SPATA17: variants seen among roughly 807,000 people sequenced by gnomAD.
SPATA17 encodes spermatogenesis-associated protein 17.
SPATA17 carries 53 observed loss-of-function variants against 62.2 expected under a neutral mutation model. The observed-to-expected ratio is 0.85, with a 90% CI of 0.68 to 1.07. SPATA17 has a LOEUF of 1.07. Ranked by LOEUF, SPATA17 falls within the 50% of genes least tolerant of loss-of-function variation. The probability of loss-of-function intolerance (pLI) is 0.00; values close to 1 mark genes in which losing one functional copy is unlikely to be tolerated. For synonymous variants in SPATA17, 146 were observed against 146.8 expected (o/e 0.99, Z 0.04); for missense variants, 466 against 425.5 (o/e 1.10, Z -0.84).
At chr1:217,673,538 A>G (rs868609032) in intron 4 of SPATA17, among the ~76,000 whole-genome samples, 20 of 152,040 alleles carry the variant, frequency 1.3e-4, no homozygotes, top group African/African-American at 4.6e-4. Context: ...TTGGCCCCCA[A>G]CTTTTATTTT....
intron 6 of SPATA17, among the ~76,000 whole-genome samples, chr1:217,742,374 C>T (rs1323498467): frequency 6.6e-6 from 1 of 152,176 alleles, no homozygotes; most frequent in African/African-American, 2.4e-5. Flanking sequence ...GGCATAACCT[C>T]GCTTTCAAAA....
chr1:217,798,028 T>C (rs1466060461), intron 8 of SPATA17, among the ~76,000 whole-genome samples: 1 of 152,212 alleles, frequency 6.6e-6, no homozygotes, highest in Non-Finnish European at 1.5e-5. Flanking sequence ...AGGCTGCTCA[T>C]AGACTAACAT....
intron 7 of SPATA17, among the ~76,000 whole-genome samples, chr1:217,779,266 T>G (rs972734965): frequency 1.3e-5 from 2 of 151,768 alleles, no homozygotes; most frequent in African/African-American, 4.8e-5. Flanking sequence ...TATGTATATA[T>G]GTATACTTAC....
intron 5 of SPATA17, among the ~76,000 whole-genome samples, chr1:217,730,911 TATG>T (rs1465035375): frequency 1.3e-5 from 2 of 152,230 alleles, no homozygotes; most frequent in African/African-American, 4.8e-5. Flanking sequence ...AGTCACATTT[TATG>T]ATATGTTTAC....
intron 8 of SPATA17, among the ~76,000 whole-genome samples, chr1:217,794,720 C>T (rs765713114): frequency 2.6e-5 from 4 of 152,164 alleles, no homozygotes; most frequent in African/African-American, 7.2e-5. Context: ...ACATCTGACT[C>T]GTTTATGTTA....
intron 3 of SPATA17, among the ~76,000 whole-genome samples, chr1:217,655,654 C>T (rs1353380374): frequency 6.6e-6 from 1 of 152,072 alleles, no homozygotes; most frequent in South Asian, 2.1e-4. Context: ...AGAGATTTTC[C>T]TCTCTTCCAT....
rs1669760730 is a variant in SPATA17 at position 217,631,351 on chromosome 1, C to A, written c.-28C>A. 1 of 1,613,640 alleles carries A rather than the reference C, an allele frequency of 6.2e-7. No individual in the cohort carries two copies. Among genetic ancestry groups the A allele is most frequent in the East Asian group, 2.2e-5 (1 of 44,878 alleles). Reference sequence around the variant, plus strand: ...GTTACCATGGAGACCGGTAGTAACACCAGTTGTAAACCCAAGGCCAAGAGA... The same window carrying A: ...GTTACCATGGAGACCGGTAGTAACAACAGTTGTAAACCCAAGGCCAAGAGA... On this transcript the variant is annotated 5_prime_UTR_variant, in exon 1 of 11. Coordinates refer to ENST00000366933, the MANE Select transcript of SPATA17 (RefSeq NM_138796.4).
chr1:217,749,975 C>CTATATA (rs1285806657), intron 6 of SPATA17, among the ~76,000 whole-genome samples: 121 of 39,330 alleles, frequency 3.1e-3, no homozygotes, highest in Non-Finnish European at 4.4e-3. Context: ...CTCTCTCTCT[C>CTATATA]TCTCTCTCTC....
chr1:217,690,888 A>C (rs1351975248), intron 5 of SPATA17, among the ~76,000 whole-genome samples: 1 of 146,810 alleles, frequency 6.8e-6, no homozygotes, highest in African/African-American at 2.6e-5. Flanking sequence ...CCAGTCTATC[A>C]TTGTGGGACA....
At chr1:217,812,069 A>G (rs747712953) in intron 9 of SPATA17, among the ~76,000 whole-genome samples, 20 of 152,190 alleles carry the variant, frequency 1.3e-4, no homozygotes, top group Non-Finnish European at 1.9e-4. Flanking sequence ...GACTTTAGCC[A>G]AGAAGGCTCA....
chr1:217,749,985 C>CTCTGTATATATA, intron 6 of SPATA17, among the ~76,000 whole-genome samples: 3 of 12,316 alleles, frequency 2.4e-4, no homozygotes, highest in African/African-American at 9.1e-4. Context: ...CTCTCTCTCT[C>CTCTGTATATATA]TATATATATA....
chr1:217,795,265 C>A (rs1674103905), intron 8 of SPATA17, among the ~76,000 whole-genome samples: 1 of 150,692 alleles, frequency 6.6e-6, no homozygotes, highest in Admixed American at 6.7e-5. Context: ...TAGCATTTTG[C>A]AAGTGTATTC....
intron 10 of SPATA17, chr1:217,866,688 T>C (rs1558082725): frequency 6.6e-6 from 1 of 152,068 alleles, no homozygotes; most frequent in African/African-American, 2.4e-5. Context: ...ATCATGACTG[T>C]TCATGAAGAT....
chr1:217,766,953 G>A (rs1014616233), intron 6 of SPATA17, among the ~76,000 whole-genome samples: 1 of 151,910 alleles, frequency 6.6e-6, no homozygotes, highest in African/African-American at 2.4e-5. Flanking sequence ...TTGTGTCTAT[G>A]TGTACTTAAT....
chr1:217,786,750 TTTC>T (rs35648538), intron 8 of SPATA17, among the ~76,000 whole-genome samples: 3,333 of 107,402 alleles, frequency 0.031, 53 homozygotes, highest in African/African-American at 0.046. Flanking sequence ...TGATATTCTC[TTTC>T]TTCTTCTTCT....
intron 7 of SPATA17, among the ~76,000 whole-genome samples, chr1:217,775,226 G>C (rs1673557746): frequency 6.6e-6 from 1 of 152,094 alleles, no homozygotes; most frequent in Admixed American, 6.5e-5. Context: ...CCATTTGTGT[G>C]TCTTCTTTGA....
chr1:217,703,024 C>T (rs1280694110), intron 5 of SPATA17, among the ~76,000 whole-genome samples: 1 of 151,734 alleles, frequency 6.6e-6, no homozygotes, highest in Non-Finnish European at 1.5e-5. Flanking sequence ...TTACAAGCGC[C>T]CACACCATAT....
rs376841149 is a variant in SPATA17 at position 217,749,734 on chromosome 1, G to A, written c.519+7636G>A. On this transcript the variant is annotated intron_variant, in intron 6 of 10. Transcript: ENST00000366933. ...CCATCAGATAAATCTTTCTAAAAGA[G>A]CATTTTTATTTCATTTATCTTTGCA... is the stretch of plus-strand genomic sequence containing the variant. 6.6e-5 allele frequency among the ~76,000 whole-genome samples: 10 copies of A among 151,602 alleles called. No individual in the cohort carries two copies. The East Asian group carries it at 1.2e-3, about 18-fold the overall frequency.
intron 7 of SPATA17, among the ~76,000 whole-genome samples, chr1:217,780,852 T>C (rs1426673920): frequency 1.3e-5 from 2 of 152,100 alleles, no homozygotes; most frequent in Non-Finnish European, 2.9e-5. Flanking sequence ...ATTTTACAAA[T>C]GATGAACATC....
Sources: gnomAD v4.1 joint callset for allele counts (sites outside exome capture counted in the v4.1 genomes callset) on GRCh38, gnomAD v4.1.1 for gene constraint, MANE v1.5 for transcripts, NCBI Gene and HGNC (gene_info 2026-07-23, HGNC 2026-07-21) for gene names.